CD8B2: variants seen among roughly 807,000 people sequenced by gnomAD.
CD8B2 encodes CD8B family member 2.
In CD8B2, 11 loss-of-function variants were observed where a neutral mutation model predicts 23.7. The observed-to-expected ratio is 0.46, with a 90% confidence interval of 0.29 to 0.77. CD8B2 has a LOEUF of 0.77. Among genes scored for constraint, CD8B2 ranks in the 30% least tolerant of loss-of-function variants. The pLI is 0.09. For missense variants in CD8B2, 197 were observed against 270.5 expected (o/e 0.73, Z 1.91); for synonymous variants, 90 against 109.3 (o/e 0.82, Z 1.10).
intron 5 of CD8B2, among the ~76,000 whole-genome samples, chr2:106,516,950 T>C (rs1679738666): frequency 6.8e-6 from 1 of 148,148 alleles, no homozygotes; most frequent in South Asian, 2.1e-4. Flanking sequence ...ATATAACATG[T>C]ACTTATATAA....
downstream of CD8B2, among the ~76,000 whole-genome samples, chr2:106,511,570 C>T (rs974602170): frequency 2.8e-4 from 42 of 152,110 alleles, no homozygotes; most frequent in African/African-American, 7.0e-4. Flanking sequence ...TCCTCACCCC[C>T]GCCCCGCAGC....
rs1249986699 is a variant in CD8B2 at position 106,507,464 on chromosome 2, G to C, written c.*524G>C. The C allele has an allele frequency of 1.0e-6, 1 of 985,728 alleles. No homozygotes were observed. The highest frequency in any genetic ancestry group is 1.2e-6 in the Non-Finnish European group (1 of 830,220). 61.1% of individuals were successfully genotyped at this position (985,728 alleles called of 1,614,324 possible). A position where few individuals can be genotyped will look rare whatever the true frequency, so the allele number is the denominator to read the frequency against. On this transcript the variant is annotated 3_prime_UTR_variant, in exon 6 of 6. Coordinates refer to ENST00000643224, the MANE Select transcript of CD8B2 (RefSeq NM_001349727.2). ...TGTCCAGTTCCCAGAAGCCATGTCA[G>C]TCTCTGAGGGCTTCCTTTGGGGCCG...
chr2:106,491,396 G>C (rs191524013), intron 2 of CD8B2, among the ~76,000 whole-genome samples, 163 bp downstream of exon 2: 1 of 152,294 alleles, frequency 6.6e-6, no homozygotes, highest in East Asian at 1.9e-4. Context: ...CCCAGGCCAA[G>C]CCCCTCCAAG....
At chr2:106,536,860 C>A (rs1280001634) in intron 5 of CD8B2, among the ~76,000 whole-genome samples, 1 of 152,210 alleles carries the variant, frequency 6.6e-6, no homozygotes, top group Non-Finnish European at 1.5e-5. Flanking sequence ...TGTTACTGAT[C>A]ATGCCCTCAC....
chr2:106,543,715 T>C (rs1680211697), intron 5 of CD8B2, among the ~76,000 whole-genome samples: 1 of 152,120 alleles, frequency 6.6e-6, no homozygotes, highest in Non-Finnish European at 1.5e-5. Flanking sequence ...ATCCAAAGCC[T>C]GTCAATCCAT....
At chr2:106,519,163 C>T (rs1052351264) in intron 5 of CD8B2, among the ~76,000 whole-genome samples, 8 of 152,244 alleles carry the variant, frequency 5.3e-5, no homozygotes, top group African/African-American at 1.9e-4. Flanking sequence ...AATAAGATTA[C>T]TAAGGCTTTA....
At chr2:106,522,845 C>T (rs1679848104) in intron 5 of CD8B2, among the ~76,000 whole-genome samples, 1 of 152,100 alleles carries the variant, frequency 6.6e-6, no homozygotes, top group South Asian at 2.1e-4. Flanking sequence ...CACCTTGTTC[C>T]CTGCCCCACT....
At chr2:106,489,439 T>A (rs1679148264) in intron 1 of CD8B2, among the ~76,000 whole-genome samples, 1 of 151,818 alleles carries the variant, frequency 6.6e-6, no homozygotes, top group Admixed American at 6.6e-5. Context: ...CAGGCAGGAT[T>A]TTAAACATGA....
In CD8B2 at chr2:106,490,854, C is replaced by T. The variant is rs1483258456; in HGVS notation, c.44-20C>T. ...GTGGCTAGGAAAATGTGCGATGTCT[C>T]TGTTCTTGGCTTTTCCTAGTTCTCC... On this transcript the variant is annotated intron_variant, in intron 1 of 5. Coordinates refer to ENST00000643224, the MANE Select transcript of CD8B2 (RefSeq NM_001349727.2). The T allele has an allele frequency of 2.1e-5, 32 of 1,553,986 alleles. No homozygotes were observed. Among genetic ancestry groups the T allele is most frequent in the Middle Eastern group, 3.6e-4 (2 of 5,568 alleles).
intron 5 of CD8B2, among the ~76,000 whole-genome samples, chr2:106,521,397 C>A (rs891005224): frequency 6.6e-6 from 1 of 152,184 alleles, no homozygotes; most frequent in Non-Finnish European, 1.5e-5. Context: ...GTGAAAGCTT[C>A]GAGCTTGCGT....
At chr2:106,488,511 C>T (rs970232394) in intron 1 of CD8B2, among the ~76,000 whole-genome samples, 1 of 152,142 alleles carries the variant, frequency 6.6e-6, no homozygotes, top group African/African-American at 2.4e-5. Context: ...CTTGCTCTTA[C>T]AGGAGTCGCT....
At chr2:106,497,348 G>A (rs1679319080) in intron 3 of CD8B2, among the ~76,000 whole-genome samples, 1 of 152,288 alleles carries the variant, frequency 6.6e-6, no homozygotes, top group South Asian at 2.1e-4. Flanking sequence ...ATACATGTTT[G>A]TTTGCAAATG....
chr2:106,532,416 C>A (rs1384033571), intron 5 of CD8B2, among the ~76,000 whole-genome samples: 1 of 152,084 alleles, frequency 6.6e-6, no homozygotes, highest in Middle Eastern at 3.2e-3. Context: ...GATCCAGACC[C>A]CAAGAGAGGA....
At position 106,510,723 on chromosome 2, in the gene CD8B2, C is replaced by T. The variant is rs1399609499; in HGVS notation, c.*3783C>T. 6.6e-6 allele frequency: 1 copy of T among 151,872 alleles called. No individual in the cohort carries two copies. The highest frequency in any genetic ancestry group is 2.1e-4 in the South Asian group (1 of 4,806). 9.4% of individuals were successfully genotyped at this position (151,872 alleles called of 1,614,324 possible). A position where few individuals can be genotyped will look rare whatever the true frequency, so the allele number is the denominator to read the frequency against. Reference sequence around the variant, plus strand: ...CTCCAGCCTGGGCAACACAGACAGACCTTGTCTCAAAAATAAATTTTTTCT... The same window carrying T: ...CTCCAGCCTGGGCAACACAGACAGATCTTGTCTCAAAAATAAATTTTTTCT... On this transcript the variant is annotated 3_prime_UTR_variant, in exon 6 of 6. Coordinates refer to ENST00000643224, the MANE Select transcript of CD8B2 (RefSeq NM_001349727.2).
intron 5 of CD8B2, among the ~76,000 whole-genome samples, chr2:106,522,987 A>AT (rs1237874667): frequency 2.0e-5 from 3 of 152,096 alleles, no homozygotes; most frequent in African/African-American, 7.2e-5. Context: ...TGCTCTCAAA[A>AT]TTTTTAATGA....
At chr2:106,528,907 G>A (rs1679952505) in intron 5 of CD8B2, among the ~76,000 whole-genome samples, 1 of 152,228 alleles carries the variant, frequency 6.6e-6, no homozygotes, top group South Asian at 2.1e-4. Flanking sequence ...GGCAGAGACA[G>A]TACGATCCTG....
At chr2:106,520,049 A>G (rs1202748697) in intron 5 of CD8B2, among the ~76,000 whole-genome samples, 1 of 152,190 alleles carries the variant, frequency 6.6e-6, no homozygotes, top group Non-Finnish European at 1.5e-5. Flanking sequence ...TAGTTAGACA[A>G]CTGAATCACC....
At chr2:106,492,765 T>C (rs1679218628) in intron 2 of CD8B2, among the ~76,000 whole-genome samples, 1 of 152,134 alleles carries the variant, frequency 6.6e-6, no homozygotes. Context: ...GCAGCACGAT[T>C]AGGAAGACAC....
intron 5 of CD8B2, among the ~76,000 whole-genome samples, chr2:106,525,965 G>A (rs1186071149): frequency 3.3e-5 from 5 of 152,204 alleles, no homozygotes; most frequent in Non-Finnish European, 7.3e-5. Flanking sequence ...TACTTGGCCC[G>A]GCGTGGTGGC....
Sources: allele counts gnomAD v4.1 joint callset (sites outside exome capture counted in the v4.1 genomes callset), GRCh38; gene constraint gnomAD v4.1.1; transcripts MANE v1.5; gene names NCBI Gene and HGNC (gene_info 2026-07-23, HGNC 2026-07-21).